DENND2D: variants seen among roughly 807,000 people sequenced by gnomAD.
The protein encoded by DENND2D is DENN domain containing 2D.
Under a neutral mutation model 59.8 loss-of-function variants are expected in DENND2D, and 37 were observed. That is an observed-to-expected ratio of 0.62 (90% CI 0.48 to 0.81). The LOEUF (loss-of-function observed/expected upper bound fraction) is 0.81. Ranked by LOEUF, DENND2D falls within the 40% of genes least tolerant of loss-of-function variation. DENND2D has a pLI of 0.00. For synonymous variants in DENND2D, 219 were observed against 211.3 expected (o/e 1.04, Z -0.31); for missense variants, 525 against 579.7 (o/e 0.91, Z 0.97).
In DENND2D at chr1:111,198,679, A is replaced by G; in HGVS notation, c.307T>C (p.Phe103Leu). The change falls in exon 3 of 12, where the codon TTC (phenylalanine) becomes CTC (leucine). Residue 103 changes from phenylalanine to leucine, a missense_variant. This residue lies in a region of DENND2D where 253 missense variants were observed against 246.4 expected (regional missense o/e 1.03). Transcript: ENST00000357640. ...EERLLKAIPLFCFPDGNEWAS... is the reference protein window; with the variant it reads ...EERLLKAIPLLCFPDGNEWAS... ...CACTCATTCCCATCTGGGAAGCAGA[A>G]CAAGGGGATAGCTTTGAGCAGCCGC... 6.2e-7 allele frequency: 1 copy of G among 1,614,184 alleles called. No homozygotes were observed. The highest frequency in any genetic ancestry group is 8.5e-7 in the Non-Finnish European group (1 of 1,180,022).
At chr1:111,199,571 C>A in intron 2 of DENND2D, 52 bp downstream of exon 2, 1 of 1,564,610 alleles carries the variant, frequency 6.4e-7, no homozygotes, top group Non-Finnish European at 8.7e-7. Context: ...CCCCTACCAC[C>A]TTCCAAACAC....
At chr1:111,204,492 T>C, upstream of DENND2D, 1 of 920,852 alleles carries the variant, frequency 1.1e-6, no homozygotes. Flanking sequence ...CGGCGCACCT[T>C]CCGGACTCCG....
At chr1:111,203,499 C>T (rs1659004928), upstream of DENND2D, among the ~76,000 whole-genome samples, 1 of 152,226 alleles carries the variant, frequency 6.6e-6, no homozygotes, top group Non-Finnish European at 1.5e-5. Flanking sequence ...AAATATTTGC[C>T]GAGTGAATGA....
chr1:111,193,884 C>T (rs925426324), intron 7 of DENND2D, among the ~76,000 whole-genome samples: 4 of 152,346 alleles, frequency 2.6e-5, no homozygotes, highest in Non-Finnish European at 5.9e-5. Context: ...ATATACTCAA[C>T]TGTGAACTTA....
At chr1:111,203,594 G>A (rs1048918523), upstream of DENND2D, among the ~76,000 whole-genome samples, 7 of 152,248 alleles carry the variant, frequency 4.6e-5, no homozygotes, top group African/African-American at 1.7e-4. Context: ...TAACTTAGAA[G>A]TTGACTTCTA....
chr1:111,189,553 T>C (rs75169556), intron 8 of DENND2D, among the ~76,000 whole-genome samples: 1 of 152,172 alleles, frequency 6.6e-6, no homozygotes, highest in East Asian at 1.9e-4. Flanking sequence ...TAATAAAACA[T>C]TGACTGCAGA....
At chr1:111,192,750 G>A (rs1163330104) in intron 7 of DENND2D, among the ~76,000 whole-genome samples, 1 of 152,176 alleles carries the variant, frequency 6.6e-6, no homozygotes, top group Non-Finnish European at 1.5e-5. Context: ...AATTCACAGT[G>A]TAGTTAAGAG....
At chr1:111,188,564 T>A (rs1202011830) in intron 10 of DENND2D, 138 bp downstream of exon 10, 2 of 1,176,324 alleles carry the variant, frequency 1.7e-6, no homozygotes, top group Non-Finnish European at 2.4e-6. Context: ...AATCCCAAAT[T>A]CAGACTTGCC....
intron 7 of DENND2D, among the ~76,000 whole-genome samples, chr1:111,192,602 T>C (rs1442630366): frequency 6.6e-6 from 1 of 152,072 alleles, no homozygotes; most frequent in Non-Finnish European, 1.5e-5. Context: ...TAAAAGTGAC[T>C]CTGAAGAGAA....
chr1:111,199,524 G>A (rs1475565828), intron 2 of DENND2D, 99 bp downstream of exon 2: 2 of 1,403,574 alleles, frequency 1.4e-6, no homozygotes, highest in Non-Finnish European at 1.9e-6. Flanking sequence ...CCAGGCTCAA[G>A]CCCCGGTAGG....
At chr1:111,195,703 T>C (rs1286269413) in intron 6 of DENND2D, 6 of 590,894 alleles carry the variant, frequency 1.0e-5, no homozygotes, top group Non-Finnish European at 1.5e-5. Context: ...TCTTGGTGGC[T>C]TGAGCAGTAA....
chr1:111,195,869 C>A, intron 6 of DENND2D, 47 bp downstream of exon 6: 1 of 1,612,392 alleles, frequency 6.2e-7, no homozygotes, highest in Non-Finnish European at 8.5e-7. Context: ...GCCACAGATG[C>A]CTACCCTCTC....
chr1:111,188,785 A>G lies in DENND2D; in HGVS notation c.1016T>C (p.Val339Ala). 6.2e-7 allele frequency: 1 copy of G among 1,613,838 alleles called. No individual in the cohort carries two copies. Among genetic ancestry groups the G allele is most frequent in the Middle Eastern group, 1.6e-4 (1 of 6,062 alleles). ...TGGCAGGATGTCTTTTTCATCACCA[A>G]CCTAGAAGAGGACAGAGCTCCGAGG... ...NLCEGTFLMS[V>A]GDEKDILPPK... Residue 339 changes from valine to alanine, a missense_variant and splice_region_variant, in exon 10 of 12, where the codon GTT becomes GCT. Physicochemically the swap from Val to Ala is moderately conservative, Grantham distance 64 (BLOSUM62 0). Around this residue, in one of 3 missense-constraint regions of DENND2D, gnomAD observed 225 missense variants for 252.4 expected, o/e 0.89. Transcript: ENST00000357640.
Position 111,196,001 on chromosome 1 carries a change from A to G in DENND2D, c.560T>C (p.Phe187Ser). Reference sequence around the variant, plus strand: ...GGCTGCCTCTCGGAGGCCCTGCATGAACGGGTAGATGACAGCCATGGAGAT... The same window carrying G: ...GGCTGCCTCTCGGAGGCCCTGCATGGACGGGTAGATGACAGCCATGGAGAT... ...HQISMAVIYP[F>S]MQGLREAAFP... is the part of the protein sequence containing the mutation. Residue 187 changes from phenylalanine (F) to serine (S), a missense_variant, in exon 6 of 12, where the codon TTC (phenylalanine) becomes TCC (serine). By Grantham distance (155) the Phe-to-Ser change is radical. Transcript: ENST00000357640. 1 of 1,613,970 alleles carries G rather than the reference A, an allele frequency of 6.2e-7. No homozygotes were observed. Among genetic ancestry groups the G allele is most frequent in the Non-Finnish European group, 8.5e-7 (1 of 1,179,966 alleles).
intron 8 of DENND2D, among the ~76,000 whole-genome samples, chr1:111,191,216 G>A (rs1657733058): frequency 6.6e-6 from 1 of 152,196 alleles, no homozygotes; most frequent in South Asian, 2.1e-4. Flanking sequence ...AAGGATGAGG[G>A]GGCCGGTGGA....
chr1:111,197,662 A>G (rs1160562584), intron 4 of DENND2D: 1 of 1,381,746 alleles, frequency 7.2e-7, no homozygotes, highest in East Asian at 2.7e-5. Context: ...TAGAGCAGGC[A>G]GGGAGAGGAG....
chr1:111,194,841 C>G (rs551440081), intron 6 of DENND2D, 115 bp from the exon 7 acceptor site: 1 of 1,187,124 alleles, frequency 8.4e-7, no homozygotes, highest in Non-Finnish European at 1.2e-6. Flanking sequence ...TGAATCTGGC[C>G]CTGTCTCTCT....
intron 8 of DENND2D, among the ~76,000 whole-genome samples, chr1:111,189,853 T>A (rs1297459555): frequency 6.6e-6 from 1 of 152,060 alleles, no homozygotes; most frequent in Non-Finnish European, 1.5e-5. Flanking sequence ...TTGCAACATC[T>A]TATGTACAAT....
At chr1:111,198,259 T>C (rs1019099503) in intron 3 of DENND2D, among the ~76,000 whole-genome samples, 1 of 152,162 alleles carries the variant, frequency 6.6e-6, no homozygotes, top group African/African-American at 2.4e-5. Flanking sequence ...AACTCATAAA[T>C]AGTGAAGTCA....
Sources: gnomAD v4.1 joint callset for allele counts (sites outside exome capture counted in the v4.1 genomes callset) on GRCh38, gnomAD v4.1.1 for gene constraint, gnomAD v4.1.1 regional missense constraint, MANE v1.5 for transcripts, NCBI Gene and HGNC (gene_info 2026-07-23, HGNC 2026-07-21) for gene names.